CEP112: variants seen among roughly 807,000 people sequenced by gnomAD.
The protein encoded by CEP112 is centrosomal protein of 112 kDa.
Under a neutral mutation model 153.0 loss-of-function variants are expected in CEP112, and 127 were observed. That is an observed-to-expected ratio of 0.83 (90% confidence interval 0.72 to 0.96). CEP112 has a LOEUF of 0.96. CEP112 is among the 40% of genes least tolerant of loss of function. The pLI is 0.00. For synonymous variants in CEP112, 358 were observed against 374.4 expected, an observed-to-expected ratio of 0.96 and a Z score of 0.51; for missense variants, 1,089 against 1,101.2, an observed-to-expected ratio of 0.99 and a Z score of 0.16.
chr17:66,009,629 TTA>T (rs1691534836), intron 16 of CEP112, among the ~76,000 whole-genome samples: 1 of 152,182 alleles, frequency 6.6e-6, no homozygotes, highest in Non-Finnish European at 1.5e-5. Flanking sequence ...CATATTGACT[TTA>T]TGTTTGCTTA....
chr17:65,755,321 T>C (rs989562581), intron 21 of CEP112, among the ~76,000 whole-genome samples: 5 of 151,984 alleles, frequency 3.3e-5, no homozygotes, highest in African/African-American at 1.2e-4. Context: ...ATACACACTT[T>C]CAAACAACCA....
chr17:66,020,654 A>C (rs963309131), intron 16 of CEP112, among the ~76,000 whole-genome samples: 1 of 152,176 alleles, frequency 6.6e-6, no homozygotes, highest in African/African-American at 2.4e-5. Flanking sequence ...TTCATTTTCT[A>C]TTATTTTTGT....
chr17:65,692,525 C>A (rs910373175), intron 23 of CEP112, among the ~76,000 whole-genome samples: 11 of 152,096 alleles, frequency 7.2e-5, no homozygotes, highest in African/African-American at 2.7e-4. Flanking sequence ...CCACGCCTGG[C>A]CTGGACTGGA....
At chr17:65,988,426 G>A (rs1201401795) in intron 17 of CEP112, among the ~76,000 whole-genome samples, 2 of 152,166 alleles carry the variant, frequency 1.3e-5, no homozygotes, top group East Asian at 1.9e-4. Flanking sequence ...AAGAGACAGA[G>A]CAAGGAACCA....
At chr17:65,910,856 T>C (rs888144878) in intron 19 of CEP112, among the ~76,000 whole-genome samples, 5 of 152,170 alleles carry the variant, frequency 3.3e-5, no homozygotes, top group East Asian at 3.9e-4. Context: ...TAGATTCCAA[T>C]TGAGGAAAAG....
intron 18 of CEP112, among the ~76,000 whole-genome samples, chr17:65,956,302 G>C (rs988050387): frequency 1.3e-5 from 2 of 151,896 alleles, no homozygotes; most frequent in African/African-American, 4.8e-5. Context: ...ACTTGCACAT[G>C]CATGTTTATA....
chr17:66,127,104 C>A (rs2069884663), intron 6 of CEP112, among the ~76,000 whole-genome samples: 1 of 152,066 alleles, frequency 6.6e-6, no homozygotes, highest in East Asian at 1.9e-4. Flanking sequence ...ATTCTTTGAA[C>A]AATAAAAATG....
chr17:66,024,579 A>C (rs1215031856), intron 16 of CEP112, among the ~76,000 whole-genome samples: 2 of 151,772 alleles, frequency 1.3e-5, no homozygotes, highest in African/African-American at 2.4e-5. Context: ...TATAAAAAAA[A>C]CCTAAGAATA....
chr17:65,718,068 T>C (rs2049639979), intron 23 of CEP112, among the ~76,000 whole-genome samples: 1 of 152,210 alleles, frequency 6.6e-6, no homozygotes, highest in Non-Finnish European at 1.5e-5. Context: ...TTTTGCTATA[T>C]TTTAACTGGA....
At chr17:65,670,117 TG>T (rs1321114550) in intron 24 of CEP112, among the ~76,000 whole-genome samples, 1 of 151,842 alleles carries the variant, frequency 6.6e-6, no homozygotes, top group Non-Finnish European at 1.5e-5. Context: ...AAAAATAACC[TG>T]TTTGTCCCTT....
At chr17:66,078,701 AT>A (rs1174098071) in intron 8 of CEP112, among the ~76,000 whole-genome samples, 1 of 151,574 alleles carries the variant, frequency 6.6e-6, no homozygotes, top group African/African-American at 2.4e-5. Flanking sequence ...TTTAACTTGT[AT>A]TTTTGTTTTA....
chr17:65,709,949 A>C (rs184704629), intron 23 of CEP112, among the ~76,000 whole-genome samples: 1 of 152,270 alleles, frequency 6.6e-6, no homozygotes, highest in East Asian at 1.9e-4. Flanking sequence ...CTACAGAATA[A>C]TTTCAGACCC....
chr17:65,872,508 A>G (rs1413633987), intron 20 of CEP112, among the ~76,000 whole-genome samples: 6 of 152,320 alleles, frequency 3.9e-5, no homozygotes, highest in Non-Finnish European at 7.4e-5. Flanking sequence ...GACAGTTATG[A>G]AATTTAAGAA....
chr17:65,683,292 C>T (rs368491860), intron 24 of CEP112, among the ~76,000 whole-genome samples: 5 of 152,306 alleles, frequency 3.3e-5, no homozygotes, highest in African/African-American at 7.2e-5. Context: ...AAGCTGTGAT[C>T]GAAATGTTAA....
chr17:66,030,115 A>T, intron 12 of CEP112, 92 bp from the exon 13 acceptor site: 1 of 1,004,404 alleles, frequency 1.0e-6, no homozygotes, highest in Non-Finnish European at 1.4e-6. Context: ...ATAATCTATA[A>T]GAATAAATAA....
intron 23 of CEP112, among the ~76,000 whole-genome samples, chr17:65,692,298 G>A (rs756106533): frequency 1.4e-5 from 2 of 145,122 alleles, no homozygotes; most frequent in Non-Finnish European, 3.0e-5. Flanking sequence ...GCACAATCTC[G>A]ACTCATTGCG....
intron 21 of CEP112, among the ~76,000 whole-genome samples, chr17:65,827,667 C>T (rs1030305138): frequency 2.0e-5 from 3 of 152,314 alleles, no homozygotes; most frequent in Non-Finnish European, 2.9e-5. Flanking sequence ...GTCATTGGAA[C>T]AGCCTCAAAG....
intron 16 of CEP112, among the ~76,000 whole-genome samples, chr17:66,011,636 T>C (rs2064531973): frequency 6.6e-6 from 1 of 152,154 alleles, no homozygotes. Context: ...TGTGTCCAAT[T>C]GTGTGCTTGG....
At chr17:66,113,598 CTCT>C (rs1197018461) in intron 6 of CEP112, among the ~76,000 whole-genome samples, 1 of 152,308 alleles carries the variant, frequency 6.6e-6, no homozygotes, top group Middle Eastern at 3.4e-3. Context: ...CTATTTCAAC[CTCT>C]TCATCTTTAA....
Sources: allele counts gnomAD v4.1 joint callset (sites outside exome capture counted in the v4.1 genomes callset), GRCh38; gene constraint gnomAD v4.1.1; transcripts MANE v1.5; gene names NCBI Gene and HGNC (gene_info 2026-07-23, HGNC 2026-07-21).